Variants in ABCC8 observed in about 807,000 individuals in gnomAD.
ABCC8 encodes the protein ATP binding cassette subfamily C member 8, also known as ATP-binding cassette sub-family C member 8.
In ABCC8, 137 loss-of-function variants were observed where a neutral mutation model predicts 188.0. The ratio of observed to expected loss-of-function variants is 0.73; its 90% CI spans 0.63 to 0.84. ABCC8 has a LOEUF of 0.84. Ranked by LOEUF, ABCC8 falls within the 40% of genes least tolerant of loss-of-function variation. The probability of loss-of-function intolerance (pLI) is 0.00; values close to 1 mark genes in which losing one functional copy is unlikely to be tolerated. For synonymous variants in ABCC8, 797 were observed against 846.5 expected, an observed-to-expected ratio of 0.94 and a Z score of 1.01; for missense variants, 1,750 against 2,072.7, an observed-to-expected ratio of 0.84 and a Z score of 3.02.
intron 16 of ABCC8, among the ~76,000 whole-genome samples, chr11:17,419,845 T>G (rs750646415): frequency 2.0e-5 from 3 of 152,180 alleles, no homozygotes; most frequent in Non-Finnish European, 2.9e-5. Flanking sequence ...TCCCAGAGGC[T>G]TTTCCACTCA....
intron 3 of ABCC8, among the ~76,000 whole-genome samples, chr11:17,468,954 C>T (rs7106250): frequency 0.29 from 43,777 of 151,670 alleles, 6,532 homozygotes; most frequent in Middle Eastern, 0.44. Context: ...CAGTCCTTCC[C>T]GAGTCTCTCT....
At chr11:17,421,990 C>T (rs1955365902) in intron 16 of ABCC8, among the ~76,000 whole-genome samples, 1 of 152,250 alleles carries the variant, frequency 6.6e-6, no homozygotes, top group South Asian at 2.1e-4. Context: ...CCTGGCATCA[C>T]CCTCTCCTCT....
intron 29 of ABCC8, among the ~76,000 whole-genome samples, chr11:17,398,674 T>C (rs948274691): frequency 1.3e-5 from 2 of 152,166 alleles, no homozygotes; most frequent in African/African-American, 4.8e-5. Context: ...CCAAGATCCA[T>C]TTTCTCTAGG....
intron 22 of ABCC8, among the ~76,000 whole-genome samples, chr11:17,409,018 A>C (rs965114106): frequency 6.9e-6 from 1 of 144,860 alleles, no homozygotes; most frequent in Non-Finnish European, 1.5e-5. Flanking sequence ...CAATGGCACC[A>C]TCTCAGCTCA....
intron 29 of ABCC8, among the ~76,000 whole-genome samples, chr11:17,399,956 A>G (rs1476427216): frequency 6.6e-6 from 1 of 152,138 alleles, no homozygotes; most frequent in Non-Finnish European, 1.5e-5. Flanking sequence ...CTTCCCTCAG[A>G]CCTTGCTGAC....
At chr11:17,443,513 A>C in intron 8 of ABCC8, 54 of 715,822 alleles carry the variant, frequency 7.5e-5, no homozygotes, top group Non-Finnish European at 1.2e-4. Context: ...ATGGGCTCTC[A>C]TGCAAGCAGA....
At chr11:17,441,173 T>C (rs974885293) in intron 10 of ABCC8, among the ~76,000 whole-genome samples, 2 of 152,070 alleles carry the variant, frequency 1.3e-5, no homozygotes, top group Non-Finnish European at 2.9e-5. Context: ...AGATTTTTTT[T>C]CTCCTAGGAG....
chr11:17,406,921 C>T lies in ABCC8; in HGVS notation c.3129G>A (p.Leu1043=), dbSNP rs1591744434. 1 of 1,614,038 alleles carries T rather than the reference C, an allele frequency of 6.2e-7. No homozygotes were observed. The highest frequency in any genetic ancestry group is 1.1e-5 in the South Asian group (1 of 91,092). ...GGGAGCAGTTCCTGGCTGCAGGGGT[C>T]AGGGTCAGGGCGCTGTCGGTCCACT... ...LAKWTDSALT[L]TPAARNCSLS... The change falls in exon 25 of 39, where the codon CTG becomes CTA. Residue 1043 remains leucine (L), a synonymous_variant. Coordinates refer to ENST00000389817, the MANE Select transcript of ABCC8 (RefSeq NM_000352.6).
chr11:17,458,731 G>C (rs1455008553), intron 6 of ABCC8, among the ~76,000 whole-genome samples: 1 of 152,154 alleles, frequency 6.6e-6, no homozygotes, highest in Non-Finnish European at 1.5e-5. Flanking sequence ...ATAAGCAAAA[G>C]TGGTCCTTGC....
At chr11:17,417,754 T>C (rs1955152293) in intron 16 of ABCC8, among the ~76,000 whole-genome samples, 1 of 152,176 alleles carries the variant, frequency 6.6e-6, no homozygotes, top group South Asian at 2.1e-4. Context: ...ATTTTCTCTC[T>C]CTCTCTCTCT....
chr11:17,432,286 G>T (rs1955884340), intron 10 of ABCC8, 42 bp from the exon 11 acceptor site: 1 of 1,551,778 alleles, frequency 6.4e-7, no homozygotes, highest in Admixed American at 2.0e-5. Context: ...GGAGGAGCGT[G>T]ACAGCTACAC....
rs1109591 is a variant in ABCC8 at position 17,393,168 on chromosome 11, T to C, written c.4609-40A>G. On this transcript the variant is annotated intron_variant, in intron 38 of 38. Transcript: ENST00000389817. ...AGGGGGCGGGTCAGGATGGTGGGAA[T>C]ACCACCCGCGGTGGGGGCCACAGCT... 539,115 of 1,599,700 alleles carry C rather than the reference T, an allele frequency of 0.34. 95,160 individuals are homozygous for C. Among genetic ancestry groups the C allele is most frequent in the Middle Eastern group, 0.5 (3,006 of 6,038 alleles).
intron 38 of ABCC8, 32 bp from the exon 39 acceptor site, chr11:17,393,160 G>T: frequency 6.2e-7 from 1 of 1,612,342 alleles, no homozygotes; most frequent in South Asian, 1.1e-5. Flanking sequence ...GGGTCAGGAT[G>T]GTGGGAATAC....
Position 17,461,670 on chromosome 11 carries a change from G to T in ABCC8, c.735C>A (p.Ile245=). The stretch of plus-strand genomic sequence containing the variant: ...GCAGCTTCCCGATGGCTCGCAAGTC[G>T]ATGGGCTTCTTGTGGGCAGTCTTGA... ...AFIKTAHKKP[I]DLRAIGKLPI... is the part of the protein sequence containing the mutation. Residue 245 remains isoleucine, a synonymous_variant, in exon 5 of 39, where the codon ATC becomes ATA. Transcript: ENST00000389817. The T allele has an allele frequency of 6.2e-7, 1 of 1,614,226 alleles. No individual in the cohort carries two copies. The highest frequency in any genetic ancestry group is 8.5e-7 in the Non-Finnish European group (1 of 1,180,036).
rs1953874662 is a variant in ABCC8, at chr11:17,395,592, A to G, written c.4307+18T>C. Reference sequence around the variant, plus strand: ...GCCGGCCTGGGGCTGGGTGGGCCTGAGGGGTGGTGGGGCTCACCGGATGGT... The same window carrying G: ...GCCGGCCTGGGGCTGGGTGGGCCTGGGGGGTGGTGGGGCTCACCGGATGGT... On this transcript the variant is annotated intron_variant, in intron 35 of 38. Coordinates refer to ENST00000389817, the MANE Select transcript of ABCC8 (RefSeq NM_000352.6). 6.5e-7 allele frequency: 1 copy of G among 1,546,446 alleles called. No homozygotes were observed. The highest frequency in any genetic ancestry group is 1.4e-5 in the African/African-American group (1 of 72,992).
rs529298553 is a variant in ABCC8 at position 17,454,239 on chromosome 11, G to A, written c.1012-956C>T. Among the ~76,000 whole-genome samples, 13 of 152,242 alleles carry A rather than the reference G, an allele frequency of 8.5e-5. No individual in the cohort carries two copies. In the South Asian group the frequency reaches 2.7e-3, roughly 32 times the overall value. ...GAGAGGGCCCAGGCTCTCATTGGAGGCCTTTCCCTAGAGTCAGGGATTCCT... is the reference window on the plus strand; with the variant it reads ...GAGAGGGCCCAGGCTCTCATTGGAGACCTTTCCCTAGAGTCAGGGATTCCT... On this transcript the variant is annotated intron_variant, in intron 6 of 38. Transcript: ENST00000389817.
chr11:17,412,869 C>T (rs1591760645), intron 20 of ABCC8, 123 bp from the exon 21 acceptor site: 4 of 1,534,042 alleles, frequency 2.6e-6, no homozygotes, highest in African/African-American at 2.7e-5. Context: ...TTGCCTGCTT[C>T]TCACCTTGCA....
At chr11:17,402,795 C>T (rs1564886702) in intron 28 of ABCC8, 42 bp from the exon 29 acceptor site, 1 of 1,612,234 alleles carries the variant, frequency 6.2e-7, no homozygotes, top group Non-Finnish European at 8.5e-7. Flanking sequence ...AGGGCAGGCT[C>T]AGGGCTCGGC....
intron 3 of ABCC8, among the ~76,000 whole-genome samples, chr11:17,466,069 C>G (rs922991541): frequency 1.3e-5 from 2 of 152,080 alleles, no homozygotes; most frequent in African/African-American, 4.8e-5. Context: ...ATGGATGAAC[C>G]TTGAGGACAT....
Sources: allele counts gnomAD v4.1 joint callset (sites outside exome capture counted in the v4.1 genomes callset), GRCh38; gene constraint gnomAD v4.1.1; transcripts MANE v1.5; gene names NCBI Gene and HGNC (gene_info 2026-07-23, HGNC 2026-07-21).